SORCS3: variants seen among roughly 807,000 people sequenced by gnomAD.
The protein encoded by SORCS3 is VPS10 domain-containing receptor SorCS3.
In SORCS3, 57 loss-of-function variants were observed where a neutral mutation model predicts 146.3. That is an observed-to-expected ratio of 0.39 (90% CI 0.31 to 0.49). The LOEUF (loss-of-function observed/expected upper bound fraction) is 0.49. Among genes scored for constraint, SORCS3 ranks in the 20% least tolerant of loss-of-function variants. The pLI is 0.92. For missense variants in SORCS3, 1,341 were observed against 1,575.5 expected, an observed-to-expected ratio of 0.85 and a Z score of 2.52; for synonymous variants, 653 against 618.5, an observed-to-expected ratio of 1.06 and a Z score of -0.83.
intron 3 of SORCS3, among the ~76,000 whole-genome samples, chr10:104,937,736 C>G (rs901736449): frequency 2.6e-5 from 4 of 152,202 alleles, no homozygotes; most frequent in African/African-American, 9.6e-5. Context: ...TGAGTCAATT[C>G]TTGCTCACCT....
At chr10:104,678,588 TAATAGGGCATGTGCTC>T (rs2015938044) in intron 1 of SORCS3, among the ~76,000 whole-genome samples, 1 of 152,212 alleles carries the variant, frequency 6.6e-6, no homozygotes, top group South Asian at 2.1e-4. Context: ...TGGCCTAACC[TAATAGGGCATGTGCTC>T]AGGACTTGCT....
intron 4 of SORCS3, among the ~76,000 whole-genome samples, chr10:105,005,610 C>T (rs55714653): frequency 0.23 from 34,793 of 151,982 alleles, 4,577 homozygotes; most frequent in African/African-American, 0.35. Context: ...TCTTCTCCTT[C>T]ATTGGCTATT....
intron 4 of SORCS3, among the ~76,000 whole-genome samples, chr10:104,984,232 A>G (rs1047509284): frequency 4.1e-4 from 63 of 152,352 alleles, no homozygotes; most frequent in Middle Eastern, 6.8e-3. Flanking sequence ...GAACTAGACT[A>G]AACCAAATAC....
intron 6 of SORCS3, among the ~76,000 whole-genome samples, chr10:105,093,745 G>A (rs1237297201): frequency 1.3e-5 from 2 of 152,104 alleles, no homozygotes; most frequent in South Asian, 4.1e-4. Flanking sequence ...TCAAGTGCTG[G>A]CACAGAAGTA....
chr10:104,706,201 CTTT>C (rs1162969172), intron 1 of SORCS3, among the ~76,000 whole-genome samples: 2 of 85,874 alleles, frequency 2.3e-5, no homozygotes, highest in African/African-American at 1.0e-4. Flanking sequence ...TTTTCTTCTT[CTTT>C]TTTTTTTTTT....
At chr10:105,247,158 C>T in intron 21 of SORCS3, 61 bp from the exon 22 acceptor site, 2 of 871,516 alleles carry the variant, frequency 2.3e-6, no homozygotes, top group Admixed American at 2.1e-5. Flanking sequence ...AGCTCCACAC[C>T]TGTCACACCC....
chr10:105,214,541 T>C lies in SORCS3; in HGVS notation c.2475T>C (p.His825=), dbSNP rs1477652994. Residue 825 remains histidine, a synonymous_variant, in exon 18 of 27, where the codon CAT becomes CAC. Coordinates refer to ENST00000369701, the MANE Select transcript of SORCS3 (RefSeq NM_014978.3). ...MCPGKAPRGL[H]VVTTDGRLVA... ...CTGGAAAAGCCCCTCGGGGCCTCCA[T>C]GTGGTGACGACCGATGGGCGGCTGG... 6.2e-7 allele frequency: 1 copy of C among 1,612,984 alleles called. No homozygotes were observed. The highest frequency in any genetic ancestry group is 8.5e-7 in the Non-Finnish European group (1 of 1,179,596).
chr10:104,785,709 A>G (rs1485613724), intron 1 of SORCS3, among the ~76,000 whole-genome samples: 1 of 152,202 alleles, frequency 6.6e-6, no homozygotes, highest in Admixed American at 6.5e-5. Context: ...TAGTCACCAG[A>G]ACTCACACCT....
At position 105,022,979 on chromosome 10, in the gene SORCS3, G is replaced by T. The variant is rs1052222740; in HGVS notation, c.955-20076G>T. 1.2e-4 allele frequency among the ~76,000 whole-genome samples: 19 copies of T among 152,052 alleles called. 1 individual carries two copies. The highest frequency in any genetic ancestry group is 5.2e-4 in the Admixed American group (8 of 15,256). ...AAATAAGAGTGGGAGGTCTGCAGAG[G>T]GTACTTCAAGGGTGGCCTGGTTTTA... On this transcript the variant is annotated intron_variant, in intron 4 of 26. Transcript: ENST00000369701.
At chr10:105,001,944 G>A (rs1402648430) in intron 4 of SORCS3, among the ~76,000 whole-genome samples, 1 of 152,174 alleles carries the variant, frequency 6.6e-6, no homozygotes, top group Non-Finnish European at 1.5e-5. Flanking sequence ...TCACAGACAT[G>A]TCTGACTTCA....
chr10:104,854,481 C>T (rs1435393817), intron 2 of SORCS3, among the ~76,000 whole-genome samples: 1 of 152,080 alleles, frequency 6.6e-6, no homozygotes, highest in Admixed American at 6.6e-5. Flanking sequence ...ACTCAGTCCC[C>T]CTCGATATTT....
At chr10:105,234,701 C>A (rs959112948) in intron 20 of SORCS3, among the ~76,000 whole-genome samples, 3 of 151,858 alleles carry the variant, frequency 2.0e-5, no homozygotes, top group African/African-American at 7.3e-5. Flanking sequence ...TGTTTTTGAT[C>A]CCTAGCATTT....
chr10:105,059,185 C>T (rs2133716534), intron 5 of SORCS3, among the ~76,000 whole-genome samples: 1 of 152,236 alleles, frequency 6.6e-6, no homozygotes, highest in South Asian at 2.1e-4. Context: ...TTGAGTAGTA[C>T]AAACTGGTTC....
At chr10:105,133,700 G>A (rs1413043891) in intron 7 of SORCS3, among the ~76,000 whole-genome samples, 1 of 152,152 alleles carries the variant, frequency 6.6e-6, no homozygotes, top group Non-Finnish European at 1.5e-5. Context: ...CCAGCACTTT[G>A]GGAGGCTGAG....
intron 1 of SORCS3, among the ~76,000 whole-genome samples, chr10:104,776,070 T>C (rs1281283141): frequency 1.3e-5 from 2 of 152,108 alleles, no homozygotes; most frequent in African/African-American, 4.8e-5. Context: ...GAGACAGACA[T>C]GTAGGCAAGT....
chr10:105,170,418 A>G (rs1479131834), intron 13 of SORCS3, among the ~76,000 whole-genome samples: 9 of 149,654 alleles, frequency 6.0e-5, no homozygotes, highest in Admixed American at 1.3e-4. Flanking sequence ...TAGAGTTCAG[A>G]AAAAAAAAAG....
chr10:105,194,744 C>A (rs2056535085), intron 14 of SORCS3, among the ~76,000 whole-genome samples: 1 of 152,064 alleles, frequency 6.6e-6, no homozygotes, highest in African/African-American at 2.4e-5. Context: ...AATTAGTTGA[C>A]AAAAATTTCA....
intron 4 of SORCS3, among the ~76,000 whole-genome samples, chr10:105,023,042 A>C (rs2055207086): frequency 1.3e-5 from 2 of 152,266 alleles, no homozygotes; most frequent in South Asian, 2.1e-4. Flanking sequence ...ACCCACATTA[A>C]GGTACCTTTT....
chr10:105,012,629 A>G (rs1170215056), intron 4 of SORCS3, among the ~76,000 whole-genome samples: 1 of 152,128 alleles, frequency 6.6e-6, no homozygotes, highest in Non-Finnish European at 1.5e-5. Flanking sequence ...TAATGCCAGG[A>G]GTTCCACCTT....
Sources: gnomAD v4.1 joint callset for allele counts (sites outside exome capture counted in the v4.1 genomes callset) on GRCh38, gnomAD v4.1.1 for gene constraint, MANE v1.5 for transcripts, NCBI Gene and HGNC (gene_info 2026-07-23, HGNC 2026-07-21) for gene names.